Variants in FAM151B observed in about 807,000 individuals in gnomAD.
The protein encoded by FAM151B is protein FAM151B.
In FAM151B, 24 loss-of-function variants were observed where a neutral mutation model predicts 31.2. The ratio of observed to expected loss-of-function variants is 0.77; its 90% CI spans 0.56 to 1.08. The LOEUF (loss-of-function observed/expected upper bound fraction) is 1.08. FAM151B is among the 50% of genes least tolerant of loss of function. The pLI, the probability that FAM151B is intolerant of heterozygous loss-of-function variation, is 0.00. For missense variants in FAM151B, 293 were observed against 328.6 expected, an observed-to-expected ratio of 0.89 and a Z score of 0.84; for synonymous variants, 105 against 111.4, an observed-to-expected ratio of 0.94 and a Z score of 0.36.
chr5:80,530,330 C>G (rs922356491), intron 5 of FAM151B, among the ~76,000 whole-genome samples: 11 of 152,126 alleles, frequency 7.2e-5, no homozygotes, highest in Middle Eastern at 3.4e-3. Flanking sequence ...TGGCACAAGA[C>G]AGGGATGCCC....
In FAM151B at chr5:80,494,478, TTC is replaced by T. The variant is rs1743450523; in HGVS notation, c.25+6332_25+6333del. 2.8e-5 allele frequency among the ~76,000 whole-genome samples: 4 copies of T among 141,074 alleles called. 1 individual carries two copies. In the Admixed American group the frequency reaches 2.9e-4, roughly 10 times the overall value. The allele number at this position is 141,074 out of a possible 152,430, so 92.6% of individuals were successfully genotyped here. The stretch of plus-strand genomic sequence containing the variant: ...TTCTTTTCTTTCTTTCTTTCTTTCT[TTC>T]TTTCTTTCTTTCTTTCTTTCTTTCT... On this transcript the variant is annotated intron_variant, in intron 1 of 5. Transcript: ENST00000282226.
intron 3 of FAM151B, among the ~76,000 whole-genome samples, chr5:80,514,344 G>A (rs1744321675): frequency 6.6e-6 from 1 of 151,834 alleles, no homozygotes. Context: ...GCATGGTGGT[G>A]GGCGCCTGTA....
intron 5 of FAM151B, among the ~76,000 whole-genome samples, chr5:80,528,961 T>G (rs988415189): frequency 6.6e-6 from 1 of 152,170 alleles, no homozygotes; most frequent in African/African-American, 2.4e-5. Flanking sequence ...ATCGCATTTA[T>G]TCCAAAATTG....
chr5:80,495,686 C>T (rs1381345502), intron 1 of FAM151B, among the ~76,000 whole-genome samples: 3 of 151,878 alleles, frequency 2.0e-5, no homozygotes, highest in Non-Finnish European at 2.9e-5. Context: ...AAAAATTAGC[C>T]GGGCGTGGTG....
At chr5:80,534,000 A>C (rs1312219558) in intron 5 of FAM151B, among the ~76,000 whole-genome samples, 1 of 152,160 alleles carries the variant, frequency 6.6e-6, no homozygotes, top group Non-Finnish European at 1.5e-5. Flanking sequence ...ATAAACTGGA[A>C]AATCTAGAAG....
intron 5 of FAM151B, among the ~76,000 whole-genome samples, chr5:80,538,410 T>TTC: frequency 2.0e-5 from 1 of 50,502 alleles, no homozygotes; most frequent in African/African-American, 1.1e-4. Context: ...CTTTCTTTCT[T>TTC]TCTTTCTTTC....
intron 1 of FAM151B, chr5:80,498,985 G>T (rs111303160): frequency 0.019 from 3,861 of 199,684 alleles, 75 homozygotes; most frequent in South Asian, 0.028. Flanking sequence ...CTGCATTTTG[G>T]TGGCAGCTCC....
rs994346072 is a variant in FAM151B at position 80,537,850 on chromosome 5, G to C, written c.672-3823G>C. Among the ~76,000 whole-genome samples the C allele has an allele frequency of 6.6e-5, 10 of 151,586 alleles. No individual in the cohort carries two copies. In the East Asian group the frequency reaches 1.9e-3, roughly 29 times the overall value. ...TTAAGTTTTTTGTGTGTTACTTTTT[G>C]TTTTCTTTTAAAAGTATTTTAAATT... is the stretch of plus-strand genomic sequence containing the variant. On this transcript the variant is annotated intron_variant, in intron 5 of 5. Coordinates refer to ENST00000282226, the MANE Select transcript of FAM151B (RefSeq NM_205548.3).
intron 2 of FAM151B, among the ~76,000 whole-genome samples, chr5:80,508,695 A>C (rs1744074411): frequency 1.3e-5 from 2 of 152,136 alleles, no homozygotes; most frequent in Admixed American, 1.3e-4. Context: ...CTCCCTTAAA[A>C]ATATAGTGGG....
chr5:80,488,470 G>A (rs201588974), intron 1 of FAM151B, among the ~76,000 whole-genome samples: 2 of 152,274 alleles, frequency 1.3e-5, no homozygotes, highest in East Asian at 1.9e-4. Flanking sequence ...TCAGCCGACC[G>A]TATGGGGGCG....
At chr5:80,537,429 C>T (rs1745567019) in intron 5 of FAM151B, among the ~76,000 whole-genome samples, 1 of 152,184 alleles carries the variant, frequency 6.6e-6, no homozygotes. Flanking sequence ...AAATGTTTTA[C>T]CTTCTTCAAT....
intron 1 of FAM151B, chr5:80,499,058 A>G (rs1312434848): frequency 6.2e-6 from 1 of 161,626 alleles, no homozygotes; most frequent in African/African-American, 2.4e-5. Flanking sequence ...GTAGTTAGGC[A>G]GAGTTAACAA....
rs1433116682 is a variant in FAM151B, at chr5:80,539,340, T to C, written c.672-2333T>C. On this transcript the variant is annotated intron_variant, in intron 5 of 5. Transcript: ENST00000282226. ...TTTCTCTTCATTAAGAATTACACCT[T>C]TACCATGGTGTTCTTGGTCTTATTT... 2.0e-5 allele frequency among the ~76,000 whole-genome samples: 3 copies of C among 150,442 alleles called. No homozygotes were observed. In the Admixed American group the frequency reaches 2.0e-4, roughly 10 times the overall value.
chr5:80,524,285 TA>T (rs1744853660), intron 5 of FAM151B, among the ~76,000 whole-genome samples: 1 of 152,060 alleles, frequency 6.6e-6, no homozygotes, highest in African/African-American at 2.4e-5. Flanking sequence ...CATTTGGGTA[TA>T]TTTTTTTCAT....
At chr5:80,525,402 A>T (rs1305259830) in intron 5 of FAM151B, among the ~76,000 whole-genome samples, 13 of 152,186 alleles carry the variant, frequency 8.5e-5, no homozygotes, top group Non-Finnish European at 1.8e-4. Flanking sequence ...TAGTTGGTGA[A>T]TCCACTCTGC....
intron 5 of FAM151B, among the ~76,000 whole-genome samples, chr5:80,536,880 G>A (rs1014747418): frequency 6.6e-6 from 1 of 152,130 alleles, no homozygotes; most frequent in Admixed American, 6.5e-5. Context: ...AGAGAGGAGG[G>A]TGGTTTACCA....
At chr5:80,510,869 A>T (rs892076526) in intron 2 of FAM151B, 1 of 152,232 alleles carries the variant, frequency 6.6e-6, no homozygotes. Context: ...CTGCATTTGC[A>T]TGAAGAAGCC....
At chr5:80,531,573 C>T (rs939492001) in intron 5 of FAM151B, among the ~76,000 whole-genome samples, 11 of 152,122 alleles carry the variant, frequency 7.2e-5, no homozygotes, top group Admixed American at 1.3e-4. Flanking sequence ...AAAAAGTGGG[C>T]GAAGGATATG....
chr5:80,494,476 C>CTTTCTTTCTTTATTTATTTA (rs1561359250), intron 1 of FAM151B, among the ~76,000 whole-genome samples: 1 of 126,558 alleles, frequency 7.9e-6, no homozygotes, highest in African/African-American at 3.1e-5. Context: ...TTCTTTCTTT[C>CTTTCTTTCTTTATTTATTTA]TTTCTTTCTT....
Sources: allele counts gnomAD v4.1 joint callset (sites outside exome capture counted in the v4.1 genomes callset), GRCh38; gene constraint gnomAD v4.1.1; transcripts MANE v1.5; gene names NCBI Gene and HGNC (gene_info 2026-07-23, HGNC 2026-07-21).